Variants in GUCY1A2 observed in about 807,000 individuals in gnomAD.
GUCY1A2 encodes guanylate cyclase 1 soluble subunit alpha 2, also known as guanylate cyclase soluble subunit alpha-2.
GUCY1A2 carries 27 observed loss-of-function variants against 63.5 expected under a neutral mutation model. The ratio of observed to expected loss-of-function variants is 0.43; its 90% confidence interval spans 0.31 to 0.59. The LOEUF (loss-of-function observed/expected upper bound fraction) is 0.59. Ranked by LOEUF, GUCY1A2 falls within the 20% of genes least tolerant of loss-of-function variation. GUCY1A2 has a pLI of 0.11. For synonymous variants in GUCY1A2, 364 were observed against 343.5 expected (o/e 1.06, Z -0.66); for missense variants, 768 against 913.3 (o/e 0.84, Z 2.05).
intron 4 of GUCY1A2, among the ~76,000 whole-genome samples, chr11:106,891,823 T>C (rs1859978799): frequency 6.6e-6 from 1 of 152,124 alleles, no homozygotes; most frequent in Admixed American, 6.6e-5. Context: ...TAGTAAATCT[T>C]GGGTCTTGCT....
At chr11:106,703,776 AATTAG>A (rs1186342912) in intron 7 of GUCY1A2, among the ~76,000 whole-genome samples, 2 of 151,944 alleles carry the variant, frequency 1.3e-5, no homozygotes, top group African/African-American at 4.8e-5. Context: ...ATTACTTACT[AATTAG>A]ATTAATTATA....
intron 1 of GUCY1A2, among the ~76,000 whole-genome samples, chr11:106,987,502 A>G (rs1300834839): frequency 6.6e-6 from 1 of 152,120 alleles, no homozygotes; most frequent in Admixed American, 6.5e-5. Context: ...AGTACCAAAA[A>G]TTAGGCGAGC....
chr11:106,821,106 A>G (rs911970036), intron 4 of GUCY1A2, among the ~76,000 whole-genome samples: 17 of 152,192 alleles, frequency 1.1e-4, no homozygotes, highest in African/African-American at 4.1e-4. Flanking sequence ...TTCTTTTTAA[A>G]TCACAGCAGG....
At chr11:106,915,809 T>A (rs1160388409) in intron 4 of GUCY1A2, among the ~76,000 whole-genome samples, 1 of 145,278 alleles carries the variant, frequency 6.9e-6, no homozygotes, top group Non-Finnish European at 1.5e-5. Context: ...CATAACTGCT[T>A]GTTGGAAAGG....
chr11:106,782,372 A>T (rs1333992035), intron 5 of GUCY1A2, among the ~76,000 whole-genome samples: 1 of 152,172 alleles, frequency 6.6e-6, no homozygotes, highest in Non-Finnish European at 1.5e-5. Context: ...ATATAGATAA[A>T]CTTTAAAGAT....
chr11:106,838,444 G>T (rs1859146281), intron 4 of GUCY1A2, among the ~76,000 whole-genome samples: 1 of 151,872 alleles, frequency 6.6e-6, no homozygotes, highest in East Asian at 1.9e-4. Flanking sequence ...ATTTCAGAGG[G>T]ATCAAATATT....
intron 4 of GUCY1A2, among the ~76,000 whole-genome samples, chr11:106,919,835 T>A (rs1860418152): frequency 6.6e-6 from 1 of 152,120 alleles, no homozygotes; most frequent in East Asian, 1.9e-4. Context: ...GAAGCCACAT[T>A]TCATTTCTTA....
At chr11:106,927,660 G>T (rs1860545767) in intron 4 of GUCY1A2, among the ~76,000 whole-genome samples, 1 of 151,580 alleles carries the variant, frequency 6.6e-6, no homozygotes, top group Non-Finnish European at 1.5e-5. Flanking sequence ...CACCTTCCGG[G>T]TTCACGCCAT....
intron 1 of GUCY1A2, among the ~76,000 whole-genome samples, chr11:107,009,410 A>C (rs2120205223): frequency 6.6e-6 from 1 of 152,318 alleles, no homozygotes; most frequent in East Asian, 1.9e-4. Flanking sequence ...CTCACTCTGA[A>C]AAACACAAAT....
At chr11:106,723,210 C>T (rs1056508974) in intron 6 of GUCY1A2, among the ~76,000 whole-genome samples, 65 of 152,258 alleles carry the variant, frequency 4.3e-4, no homozygotes, top group African/African-American at 1.5e-3. Flanking sequence ...TCCATGTCTG[C>T]GTATAAGTTG....
intron 3 of GUCY1A2, among the ~76,000 whole-genome samples, chr11:106,972,838 A>C (rs1861213376): frequency 6.6e-6 from 1 of 152,134 alleles, no homozygotes; most frequent in African/African-American, 2.4e-5. Context: ...GTGGGAAAGG[A>C]ATGAGCTCTC....
intron 5 of GUCY1A2, among the ~76,000 whole-genome samples, chr11:106,782,881 C>G (rs1864490488): frequency 6.6e-6 from 1 of 152,190 alleles, no homozygotes; most frequent in Non-Finnish European, 1.5e-5. Context: ...TCCTTCACTT[C>G]AGACATACAC....
intron 1 of GUCY1A2, among the ~76,000 whole-genome samples, chr11:106,994,525 G>A (rs543807183): frequency 1.3e-5 from 2 of 152,136 alleles, no homozygotes; most frequent in Non-Finnish European, 1.5e-5. Context: ...CACCACCTTC[G>A]GTTTGCATAA....
chr11:106,789,812 C>T (rs1184952832), intron 5 of GUCY1A2, among the ~76,000 whole-genome samples: 1 of 152,162 alleles, frequency 6.6e-6, no homozygotes, highest in East Asian at 1.9e-4. Flanking sequence ...TCTGGATTAC[C>T]AGGCAGAGAC....
chr11:106,875,181 T>C (rs1449656216), intron 4 of GUCY1A2, among the ~76,000 whole-genome samples: 1 of 152,152 alleles, frequency 6.6e-6, no homozygotes, highest in Non-Finnish European at 1.5e-5. Context: ...AAGAGAGTTG[T>C]ATGACTCAGC....
chr11:106,735,793 T>G (rs2135374858), intron 6 of GUCY1A2, among the ~76,000 whole-genome samples: 1 of 152,250 alleles, frequency 6.6e-6, no homozygotes, highest in South Asian at 2.1e-4. Flanking sequence ...TCAGCAGGAT[T>G]CATTGTCATC....
chr11:106,789,247 G>A (rs369640000), intron 5 of GUCY1A2, among the ~76,000 whole-genome samples: 13 of 151,882 alleles, frequency 8.6e-5, no homozygotes, highest in Middle Eastern at 3.4e-3. Context: ...TTCTTTCTTC[G>A]GCTTGATCAA....
At chr11:106,754,717 G>T (rs992498740) in intron 6 of GUCY1A2, among the ~76,000 whole-genome samples, 2 of 152,194 alleles carry the variant, frequency 1.3e-5, no homozygotes, top group African/African-American at 2.4e-5. Context: ...ACTTGATCAT[G>T]GTGGATAAGC....
At chr11:106,850,607 G>A (rs1859340340) in intron 4 of GUCY1A2, among the ~76,000 whole-genome samples, 1 of 151,768 alleles carries the variant, frequency 6.6e-6, no homozygotes, top group Admixed American at 6.6e-5. Flanking sequence ...TGTGGTTATT[G>A]ATCTTTCTAT....
Sources: allele counts gnomAD v4.1 joint callset (sites outside exome capture counted in the v4.1 genomes callset), GRCh38; gene constraint gnomAD v4.1.1; transcripts MANE v1.5; gene names NCBI Gene and HGNC (gene_info 2026-07-23, HGNC 2026-07-21).